The following PCED1B variants were observed in gnomAD, a reference collection of about 807,000 sequenced individuals.
PCED1B encodes the protein PC-esterase domain containing 1B, also known as PC-esterase domain-containing protein 1B.
For synonymous variants in PCED1B, 251 were observed against 246.1 expected, an observed-to-expected ratio of 1.02 and a Z score of -0.19; for missense variants, 573 against 573.9, an observed-to-expected ratio of 1.00 and a Z score of 0.02.
chr12:47,151,790 TC>T (rs1941002573), intron 2 of PCED1B, among the ~76,000 whole-genome samples: 2 of 152,162 alleles, frequency 1.3e-5, no homozygotes, highest in Non-Finnish European at 2.9e-5. Context: ...ATTCAGGCCT[TC>T]ACCCAAATGA....
chr12:47,084,095 A>T (rs1336910283), intron 1 of PCED1B, among the ~76,000 whole-genome samples: 3 of 152,214 alleles, frequency 2.0e-5, no homozygotes, highest in African/African-American at 7.2e-5. Flanking sequence ...TTCCAAAAAA[A>T]ACTCAATAAA....
intron 2 of PCED1B, among the ~76,000 whole-genome samples, chr12:47,167,383 G>A (rs1592228141): frequency 6.6e-6 from 1 of 152,142 alleles, no homozygotes; most frequent in Non-Finnish European, 1.5e-5. Context: ...AATGAAGTGG[G>A]AACTGAAAAG....
At chr12:47,082,099 C>A (rs73284480) in intron 1 of PCED1B, among the ~76,000 whole-genome samples, 2 of 151,896 alleles carry the variant, frequency 1.3e-5, no homozygotes, top group African/African-American at 4.9e-5. Context: ...AGGTATAAGA[C>A]GTGACCTTAT....
At chr12:47,094,043 T>G (rs1418249042) in intron 1 of PCED1B, among the ~76,000 whole-genome samples, 1 of 152,132 alleles carries the variant, frequency 6.6e-6, no homozygotes, top group Non-Finnish European at 1.5e-5. Flanking sequence ...CCTCCCACTG[T>G]GAGTGCTGAT....
At chr12:47,090,735 A>T (rs115025491) in intron 1 of PCED1B, among the ~76,000 whole-genome samples, 1 of 152,184 alleles carries the variant, frequency 6.6e-6, no homozygotes, top group East Asian at 1.9e-4. Flanking sequence ...GCTCATCTTT[A>T]TGTTGGAGAG....
intron 2 of PCED1B, chr12:47,210,552 G>A (rs1260973565): frequency 6.6e-6 from 1 of 152,178 alleles, no homozygotes; most frequent in South Asian, 2.1e-4. Context: ...GATCACCTGA[G>A]GTCAGGAGTT....
At chr12:47,110,699 T>C (rs1939155164) in intron 2 of PCED1B, among the ~76,000 whole-genome samples, 1 of 152,210 alleles carries the variant, frequency 6.6e-6, no homozygotes, top group Admixed American at 6.5e-5. Context: ...ATCAGAAATA[T>C]AATCAATGAA....
At chr12:47,196,491 C>T (rs751525339) in intron 2 of PCED1B, among the ~76,000 whole-genome samples, 12 of 152,172 alleles carry the variant, frequency 7.9e-5, no homozygotes, top group East Asian at 1.9e-4. Context: ...AGCACAGTAG[C>T]AAAGGAAGAA....
intron 1 of PCED1B, among the ~76,000 whole-genome samples, chr12:47,087,740 TA>T (rs1938056468): frequency 6.6e-6 from 1 of 152,180 alleles, no homozygotes; most frequent in Non-Finnish European, 1.5e-5. Flanking sequence ...TTCAACAAAG[TA>T]AATTGTATGC....
intron 3 of PCED1B, among the ~76,000 whole-genome samples, chr12:47,224,497 G>T (rs542442763): frequency 1.3e-5 from 2 of 152,348 alleles, no homozygotes; most frequent in South Asian, 4.1e-4. Context: ...ACAAATTTCA[G>T]ATTGTGGCCT....
At chr12:47,131,673 C>CTTTTTTTTT (rs760678015) in intron 2 of PCED1B, among the ~76,000 whole-genome samples, 11 of 128,000 alleles carry the variant, frequency 8.6e-5, no homozygotes, top group Non-Finnish European at 1.1e-4. Context: ...TGTTTTACTT[C>CTTTTTTTTT]TTTTTTTTTT....
In PCED1B at chr12:47,235,885, A is replaced by T; in HGVS notation, c.822A>T (p.Arg274Ser). Residue 274 changes from arginine (R) to serine (S), a missense_variant, in exon 4 of 4, where the codon AGA (arginine) becomes AGT (serine). Physicochemically the swap from Arg to Ser is moderately radical, Grantham distance 110. Transcript: ENST00000546455. ...TCAAGAAGAAAAAACCTGGCCCGAG[A>T]GTCGAAGGGCCGCCCCAGGCCAACA... ...EWIKKKKPGP[R>S]VEGPPQANRN... The T allele has an allele frequency of 1.3e-6, 2 of 1,592,348 alleles. No homozygotes were observed. Among genetic ancestry groups the T allele is most frequent in the Non-Finnish European group, 1.7e-6 (2 of 1,169,782 alleles).
intron 2 of PCED1B, among the ~76,000 whole-genome samples, chr12:47,196,614 G>A (rs1942609351): frequency 6.6e-6 from 1 of 152,122 alleles, no homozygotes; most frequent in Admixed American, 6.5e-5. Flanking sequence ...GATCACCTGA[G>A]GCCAGGAGTT....
intron 2 of PCED1B, among the ~76,000 whole-genome samples, chr12:47,193,012 C>G (rs1942493659): frequency 1.3e-5 from 2 of 152,196 alleles, no homozygotes; most frequent in South Asian, 4.1e-4. Context: ...TCTGGGCTTA[C>G]TGAATGCTTT....
chr12:47,103,075 T>C (rs1446177945), intron 1 of PCED1B, among the ~76,000 whole-genome samples: 3 of 151,720 alleles, frequency 2.0e-5, no homozygotes, highest in East Asian at 1.9e-4. Flanking sequence ...AAATAGAAAA[T>C]GTACTGAAGC....
intron 2 of PCED1B, among the ~76,000 whole-genome samples, chr12:47,150,714 G>A (rs1261316688): frequency 6.6e-6 from 1 of 152,056 alleles, no homozygotes; most frequent in Admixed American, 6.6e-5. Context: ...CACTGAGGTA[G>A]GAGCTCATGG....
chr12:47,226,957 T>G (rs141414263), intron 3 of PCED1B, among the ~76,000 whole-genome samples: 124 of 152,304 alleles, frequency 8.1e-4, no homozygotes, highest in African/African-American at 2.2e-3. Context: ...AATTATTCTT[T>G]TCTATTCACT....
At chr12:47,135,085 A>G (rs182410452) in intron 2 of PCED1B, among the ~76,000 whole-genome samples, 31 of 152,238 alleles carry the variant, frequency 2.0e-4, no homozygotes, top group Admixed American at 1.3e-3. Flanking sequence ...ACCAATCTCT[A>G]CTGATAGGAA....
intron 1 of PCED1B, among the ~76,000 whole-genome samples, chr12:47,095,061 T>TGG (rs139804899): frequency 0.017 from 2,458 of 144,336 alleles, 33 homozygotes; most frequent in South Asian, 0.059. Context: ...TGTGTGCCAC[T>TGG]GTGCCCACAA....
Sources: gnomAD v4.1 joint callset for allele counts (sites outside exome capture counted in the v4.1 genomes callset) on GRCh38, gnomAD v4.1.1 for gene constraint, MANE v1.5 for transcripts, NCBI Gene and HGNC (gene_info 2026-07-23, HGNC 2026-07-21) for gene names.